Variants in WNT4 observed in about 807,000 individuals in gnomAD.
WNT4 encodes Wnt family member 4.
In WNT4, 16 loss-of-function variants were observed where a neutral mutation model predicts 34.5. The observed-to-expected ratio is 0.46, with a 90% CI of 0.31 to 0.70. The LOEUF (loss-of-function observed/expected upper bound fraction) is 0.70, where lower values mean the gene tolerates loss of function less well. Ranked by LOEUF, WNT4 falls within the 30% of genes least tolerant of loss-of-function variation. The pLI, the probability that WNT4 is intolerant of heterozygous loss-of-function variation, is 0.04. For synonymous variants in WNT4, 200 were observed against 211.9 expected, an observed-to-expected ratio of 0.94 and a Z score of 0.49; for missense variants, 379 against 495.9, an observed-to-expected ratio of 0.76 and a Z score of 2.24.
At chr1:22,141,254 CT>C (rs1006607556) in intron 1 of WNT4, among the ~76,000 whole-genome samples, 7 of 152,154 alleles carry the variant, frequency 4.6e-5, no homozygotes, top group African/African-American at 1.4e-4. Flanking sequence ...TGGACTGCCA[CT>C]TTTTTTTCTT....
rs373899129 is a variant in WNT4, at chr1:22,119,693, C to T, written c.*357G>A. On this transcript the variant is annotated 3_prime_UTR_variant, in exon 5 of 5. Transcript: ENST00000290167. ...TAAGGCCCCCTCTTCCCCGATGACA[C>T]GGTCAGTAGCCATGTGGTGGTAATA... 27 of 369,710 alleles carry T rather than the reference C, an allele frequency of 7.3e-5. No individual in the cohort carries two copies. The highest frequency in any genetic ancestry group is 6.1e-4 in the East Asian group (10 of 16,356). 22.9% of individuals were successfully genotyped at this position (369,710 alleles called of 1,614,324 possible). A position where few individuals can be genotyped will look rare whatever the true frequency, so the allele number is the denominator to read the frequency against.
rs1646052328 is a variant in WNT4 at position 22,139,878 on chromosome 1, C to CGTCACAAGCT, written c.77+2958_77+2967dup. ...CGGGCCCTCCCTCAGTGGTGGGAGC[C>CGTCACAAGCT]GTCACAAGCTGTCAGCGGGCTCCTC... On this transcript the variant is annotated intron_variant, in intron 1 of 4. Transcript: ENST00000290167. This position sits in a 1 kb window ranked among gnomAD's most constrained non-coding sequence, Gnocchi z 4.6. Among the ~76,000 whole-genome samples the CGTCACAAGCT allele has an allele frequency of 6.6e-6, 1 of 152,174 alleles. No individual in the cohort carries two copies. The highest frequency in any genetic ancestry group is 1.5e-5 in the Non-Finnish European group (1 of 68,018).
chr1:22,128,522 T>G (rs550078549), intron 2 of WNT4, among the ~76,000 whole-genome samples: 4 of 152,240 alleles, frequency 2.6e-5, no homozygotes, highest in Non-Finnish European at 4.4e-5. Context: ...CTCACATTTC[T>G]GGTCTCAGCT....
At chr1:22,128,004 G>A (rs987742724) in intron 2 of WNT4, among the ~76,000 whole-genome samples, 3 of 152,178 alleles carry the variant, frequency 2.0e-5, no homozygotes, top group Non-Finnish European at 4.4e-5. Flanking sequence ...GGCTTCCCAG[G>A]CTCATGGGCT....
intron 4 of WNT4, 142 bp downstream of exon 4, chr1:22,121,069 A>T: frequency 7.1e-7 from 1 of 1,405,106 alleles, no homozygotes; most frequent in African/African-American, 1.4e-5. Flanking sequence ...GCCTGTCCTG[A>T]ACCCCACTGG....
chr1:22,127,183 TC>T, intron 2 of WNT4: 1 of 423,616 alleles, frequency 2.4e-6, no homozygotes, highest in Non-Finnish European at 5.0e-6. Flanking sequence ...CCTTGACATG[TC>T]CCTCTCCAAA....
Position 22,134,613 on chromosome 1 carries a change from C to T in WNT4, c.78-4762G>A, listed in dbSNP as rs542926065. 1.3e-5 allele frequency among the ~76,000 whole-genome samples: 2 copies of T among 152,174 alleles called. No individual in the cohort carries two copies. Among genetic ancestry groups the T allele is most frequent in the Non-Finnish European group, 2.9e-5 (2 of 68,040 alleles). On this transcript the variant is annotated intron_variant, in intron 1 of 4. Coordinates refer to ENST00000290167, the MANE Select transcript of WNT4 (RefSeq NM_030761.5). This position sits in a 1 kb window ranked among gnomAD's most constrained non-coding sequence, Gnocchi z 4.1. Reference sequence around the variant, plus strand: ...GTTAGTGAACACCTCTGAGCCTCAGCGTGTTCATCTGTAAAGTGGGGAGAC... The same window carrying T: ...GTTAGTGAACACCTCTGAGCCTCAGTGTGTTCATCTGTAAAGTGGGGAGAC...
chr1:22,120,820 T>C (rs1557922665), intron 4 of WNT4, among the ~76,000 whole-genome samples: 1 of 152,066 alleles, frequency 6.6e-6, no homozygotes, highest in Non-Finnish European at 1.5e-5. Context: ...GCATTTAACC[T>C]CCACGGGAAC....
intron 4 of WNT4, 141 bp downstream of exon 4, chr1:22,121,070 A>G: frequency 7.1e-7 from 1 of 1,408,798 alleles, no homozygotes; most frequent in South Asian, 1.4e-5. Flanking sequence ...CCTGTCCTGA[A>G]CCCCACTGGC....
intron 2 of WNT4, among the ~76,000 whole-genome samples, chr1:22,123,333 C>T (rs1645916751): frequency 6.6e-6 from 1 of 152,272 alleles, no homozygotes; most frequent in African/African-American, 2.4e-5. Context: ...GGTGCAGGGC[C>T]ACCAGGGAGG....
At chr1:22,126,624 C>T (rs1246491138) in intron 2 of WNT4, among the ~76,000 whole-genome samples, 1 of 152,194 alleles carries the variant, frequency 6.6e-6, no homozygotes, top group Non-Finnish European at 1.5e-5. Flanking sequence ...TCTGGTCTGG[C>T]CTGCTAGCTT....
At chr1:22,122,673 C>CA (rs1645910649) in intron 2 of WNT4, among the ~76,000 whole-genome samples, 1 of 147,108 alleles carries the variant, frequency 6.8e-6, no homozygotes, top group African/African-American at 2.6e-5. Flanking sequence ...TCCGCAGGAG[C>CA]GGAGGGGGCA....
At chr1:22,130,122 G>C (rs911781843) in intron 1 of WNT4, among the ~76,000 whole-genome samples, 1 of 152,144 alleles carries the variant, frequency 6.6e-6, no homozygotes, top group Non-Finnish European at 1.5e-5. Context: ...GAGCCCCTAC[G>C]GGATCCCTCC....
rs1487936568 is a variant in WNT4 at position 22,119,635 on chromosome 1, C to G, written c.*415G>C. 6.9e-6 allele frequency: 2 copies of G among 291,806 alleles called. No homozygotes were observed. The highest frequency in any genetic ancestry group is 1.3e-5 in the Non-Finnish European group (2 of 151,430). The allele number at this position is 291,806 out of a possible 1,614,324, so 18.1% of individuals were successfully genotyped here. A position where few individuals can be genotyped will look rare whatever the true frequency, so the allele number is the denominator to read the frequency against. On this transcript the variant is annotated 3_prime_UTR_variant, in exon 5 of 5. Coordinates refer to ENST00000290167, the MANE Select transcript of WNT4 (RefSeq NM_030761.5). ...GAGTTCTTTTTTCCAGAGGGTGTGA[C>G]TTCCATCAAGTCGGTACCTATTTTC...
Position 22,129,888 on chromosome 1 carries a change from C to T in WNT4, c.78-37G>A, listed in dbSNP as rs765759567. On this transcript the variant is annotated intron_variant, in intron 1 of 4. Coordinates refer to ENST00000290167, the MANE Select transcript of WNT4 (RefSeq NM_030761.5). The stretch of plus-strand genomic sequence containing the variant: ...GTGACACGTGATGCAGAGCCCACCT[C>T]CTCATCTTTCCTGGCCCCGGACCAG... 5 of 1,607,738 alleles carry T rather than the reference C, an allele frequency of 3.1e-6. No homozygotes were observed. In the Admixed American group the frequency reaches 5.0e-5, roughly 16 times the overall value.
chr1:22,127,443 G>C, intron 2 of WNT4: 4 of 533,406 alleles, frequency 7.5e-6, no homozygotes. Context: ...TCTGTCAGTA[G>C]ATGACATCCA....
rs1646045103 is a variant in WNT4 at position 22,139,070 on chromosome 1, G to A, written c.77+3776C>T. On this transcript the variant is annotated intron_variant, in intron 1 of 4. Coordinates refer to ENST00000290167, the MANE Select transcript of WNT4 (RefSeq NM_030761.5). This position sits in a 1 kb window ranked among gnomAD's most constrained non-coding sequence, Gnocchi z 4.6. ...CTTCCTGACTCTGGGAGGCTCCTGC[G>A]GGGGCCCTTGTTGAGCAAGGGGGTT... Among the ~76,000 whole-genome samples the A allele has an allele frequency of 6.6e-6, 1 of 152,134 alleles. No homozygotes were observed. The highest frequency in any genetic ancestry group is 2.4e-5 in the African/African-American group (1 of 41,420).
chr1:22,118,710 T>C lies in WNT4; in HGVS notation c.*1340A>G. The C allele has an allele frequency of 6.5e-6, 1 of 152,866 alleles. No individual in the cohort carries two copies. The highest frequency in any genetic ancestry group is 1.5e-5 in the Non-Finnish European group (1 of 68,478). 9.5% of individuals were successfully genotyped at this position (152,866 alleles called of 1,614,324 possible). A position where few individuals can be genotyped will look rare whatever the true frequency, so the allele number is the denominator to read the frequency against. ...CCTGTGGTCTCTGGCTCCTGCTGCT[T>C]CCCTGCCCCTTTTCGTCCAGCCAGA... is the stretch of plus-strand genomic sequence containing the variant. On this transcript the variant is annotated 3_prime_UTR_variant, in exon 5 of 5. Coordinates refer to ENST00000290167, the MANE Select transcript of WNT4 (RefSeq NM_030761.5).
At position 22,140,159 on chromosome 1, in the gene WNT4, G is replaced by C; in HGVS notation, c.77+2687C>G. The C allele has an allele frequency of 1.0e-6, 1 of 984,716 alleles. No homozygotes were observed. Among genetic ancestry groups the C allele is most frequent in the Non-Finnish European group, 1.2e-6 (1 of 829,268 alleles). 61.0% of individuals were successfully genotyped at this position (984,716 alleles called of 1,614,324 possible). On this transcript the variant is annotated intron_variant, in intron 1 of 4. Transcript: ENST00000290167. This position sits in a 1 kb window ranked among gnomAD's most constrained non-coding sequence, Gnocchi z 5.9. ...TAGACCTTGCTCCTTGGCAGGTGCTGTCAGCTATCCTCTCGGGGCCAGGCC... is the reference window on the plus strand; with the variant it reads ...TAGACCTTGCTCCTTGGCAGGTGCTCTCAGCTATCCTCTCGGGGCCAGGCC...
Sources: gnomAD v4.1 joint callset for allele counts (sites outside exome capture counted in the v4.1 genomes callset) on GRCh38, gnomAD v4.1.1 for gene constraint, Gnocchi (gnomAD v3.1) non-coding constraint, MANE v1.5 for transcripts, NCBI Gene and HGNC (gene_info 2026-07-23, HGNC 2026-07-21) for gene names.